The following SRGAP2 variants were observed in gnomAD, a reference collection of about 807,000 sequenced individuals.
SRGAP2 encodes the protein SLIT-ROBO Rho GTPase activating protein 2.
Under a neutral mutation model 57.2 loss-of-function variants are expected in SRGAP2, and 15 were observed. That is an observed-to-expected ratio of 0.26 (90% CI 0.18 to 0.40). The LOEUF (loss-of-function observed/expected upper bound fraction) is 0.40, where lower values mean the gene tolerates loss of function less well. Ranked by LOEUF, SRGAP2 falls within the 10% of genes least tolerant of loss-of-function variation. The pLI is 1.00. For missense variants in SRGAP2, 520 were observed against 669.6 expected (o/e 0.78, Z 2.47); for synonymous variants, 249 against 248.0 (o/e 1.00, Z -0.04).
At position 206,429,430 on chromosome 1, in the gene SRGAP2, T is replaced by C. The variant is rs138871054; in HGVS notation, c.1495-732T>C. On this transcript the variant is annotated intron_variant, in intron 13 of 22. Coordinates refer to ENST00000573034, the MANE Select transcript of SRGAP2 (RefSeq NM_015326.5). ...ACCCAGGAATTGACATAGGATCTGC[T>C]CTTGTGAAGTTTGAGCTGTAGTGGT... Among the ~76,000 whole-genome samples the C allele has an allele frequency of 4.2e-3, 643 of 152,372 alleles. 3 individuals carry two copies. The highest frequency in any genetic ancestry group is 0.014 in the African/African-American group (595 of 41,586).
At chr1:206,452,604 A>G (rs564461785) in intron 19 of SRGAP2, among the ~76,000 whole-genome samples, 1 of 152,334 alleles carries the variant, frequency 6.6e-6, no homozygotes, top group African/African-American at 2.4e-5. Context: ...AAAGCAGGGG[A>G]TGCGGTCGGG....
At chr1:206,326,819 C>G (rs1385205232) in intron 3 of SRGAP2, among the ~76,000 whole-genome samples, 5 of 152,178 alleles carry the variant, frequency 3.3e-5, no homozygotes, top group African/African-American at 4.8e-5. Flanking sequence ...ACAGAAGATT[C>G]ACTGAGTTTG....
At chr1:206,284,654 G>A (rs1670920432) in intron 2 of SRGAP2, among the ~76,000 whole-genome samples, 1 of 152,020 alleles carries the variant, frequency 6.6e-6, no homozygotes, top group African/African-American at 2.4e-5. Flanking sequence ...TCGCCATGTT[G>A]GCCAGGCTGG....
rs1455234948 is a variant in SRGAP2 at position 206,297,566 on chromosome 1, C to T, written c.68-5715C>T. On this transcript the variant is annotated intron_variant, in intron 2 of 22. Transcript: ENST00000573034. ...CAGACCAGGTTCCCAATGGGGAGCGCGGGCTGATCTGCTCCACGTGCTGGC... is the reference window on the plus strand; with the variant it reads ...CAGACCAGGTTCCCAATGGGGAGCGTGGGCTGATCTGCTCCACGTGCTGGC... 2.0e-4 allele frequency among the ~76,000 whole-genome samples: 15 copies of T among 76,586 alleles called. 1 individual carries two copies. The highest frequency in any genetic ancestry group is 9.2e-4 in the Admixed American group (8 of 8,712). 50.2% of individuals were successfully genotyped at this position (76,586 alleles called of 152,430 possible).
chr1:206,294,600 G>C (rs1671486477), intron 2 of SRGAP2, among the ~76,000 whole-genome samples: 1 of 138,090 alleles, frequency 7.2e-6, no homozygotes, highest in East Asian at 2.0e-4. Context: ...TAGAGTCATG[G>C]GCTCTAAAGT....
chr1:206,266,542 C>T (rs1346416988), intron 2 of SRGAP2, among the ~76,000 whole-genome samples: 1 of 152,194 alleles, frequency 6.6e-6, no homozygotes, highest in East Asian at 1.9e-4. Context: ...CACGCCCGAC[C>T]TTCTGTATTT....
intron 11 of SRGAP2, 136 bp from the exon 12 acceptor site, chr1:206,419,237 C>T (rs527633910): frequency 1.5e-6 from 1 of 662,736 alleles, no homozygotes; most frequent in Non-Finnish European, 2.8e-6. Context: ...CTCTCTCTCT[C>T]TCTCCTCTCT....
At chr1:206,432,211 C>A (rs1553368542) in intron 14 of SRGAP2, among the ~76,000 whole-genome samples, 2 of 152,164 alleles carry the variant, frequency 1.3e-5, no homozygotes, top group African/African-American at 4.8e-5. Context: ...GGGCAGGTTC[C>A]AGATATTGTG....
chr1:206,277,922 T>C (rs1484459653), intron 2 of SRGAP2, among the ~76,000 whole-genome samples: 7 of 151,240 alleles, frequency 4.6e-5, no homozygotes, highest in African/African-American at 4.8e-5. Context: ...GGGTTTGCAG[T>C]GAGCCAAGAT....
chr1:206,230,690 G>T (rs1242621276), intron 2 of SRGAP2, among the ~76,000 whole-genome samples: 3 of 143,514 alleles, frequency 2.1e-5, no homozygotes, highest in Admixed American at 6.8e-5. Flanking sequence ...GCAGTGGTGC[G>T]ATCTCGGCTC....
chr1:206,322,717 T>C (rs1673560232), intron 3 of SRGAP2, among the ~76,000 whole-genome samples: 1 of 146,740 alleles, frequency 6.8e-6, no homozygotes, highest in South Asian at 2.2e-4. Context: ...GTTAGCTGAC[T>C]AGTTCTTTCT....
chr1:206,457,631 C>T (rs1378344406), intron 21 of SRGAP2, among the ~76,000 whole-genome samples: 3 of 152,212 alleles, frequency 2.0e-5, no homozygotes, highest in Admixed American at 1.3e-4. Flanking sequence ...TGATACATGC[C>T]AGGTCCTGGG....
chr1:206,437,660 A>T (rs1661892473), intron 15 of SRGAP2: 1 of 292,070 alleles, frequency 3.4e-6, no homozygotes, highest in South Asian at 6.9e-5. Flanking sequence ...TGGTTTCATG[A>T]TTCTTGTGAG....
chr1:206,290,641 CAAAAAAAAAA>C (rs1237811129), intron 2 of SRGAP2, among the ~76,000 whole-genome samples: 1 of 45,210 alleles, frequency 2.2e-5, no homozygotes, highest in Non-Finnish European at 4.7e-5. Flanking sequence ...GACTCCATCT[CAAAAAAAAAA>C]AAAAAAAAAA....
intron 4 of SRGAP2, among the ~76,000 whole-genome samples, chr1:206,366,513 A>T (rs561771637): frequency 6.6e-6 from 1 of 151,712 alleles, no homozygotes; most frequent in Non-Finnish European, 1.5e-5. Flanking sequence ...GGGGGTGGGG[A>T]CGATCATGGG....
chr1:206,437,944 T>G lies in SRGAP2; in HGVS notation c.1634-20T>G, dbSNP rs782013756. On this transcript the variant is annotated intron_variant, in intron 15 of 22. Transcript: ENST00000573034. ...CCTCTCTCACTCTCTTTCCTTTTCGTGGGGGTTGCTTATCCTCAGGAGAGG... is the reference window on the plus strand; with the variant it reads ...CCTCTCTCACTCTCTTTCCTTTTCGGGGGGGTTGCTTATCCTCAGGAGAGG... 2 of 780,450 alleles carry G rather than the reference T, an allele frequency of 2.6e-6. No homozygotes were observed. The highest frequency in any genetic ancestry group is 4.8e-5 in the East Asian group (2 of 41,258). The allele number at this position is 780,450 out of a possible 1,614,324, so 48.3% of individuals were successfully genotyped here. A position where few individuals can be genotyped will look rare whatever the true frequency, so the allele number is the denominator to read the frequency against.
At chr1:206,414,027 T>C (rs1323509280) in intron 10 of SRGAP2, among the ~76,000 whole-genome samples, 2 of 147,750 alleles carry the variant, frequency 1.4e-5, no homozygotes, top group Admixed American at 1.3e-4. Context: ...TCTTTTCTTT[T>C]TCTTTCTTTT....
chr1:206,453,719 T>C (rs1663554047), intron 20 of SRGAP2: 1 of 255,806 alleles, frequency 3.9e-6, no homozygotes. Context: ...TATATTTCTT[T>C]TCTCGAAAGA....
intron 2 of SRGAP2, among the ~76,000 whole-genome samples, chr1:206,243,656 C>G (rs1475832780): frequency 6.6e-6 from 1 of 152,170 alleles, no homozygotes; most frequent in African/African-American, 2.4e-5. Context: ...TCTAAGGGAT[C>G]TAGAGAGAAA....
Sources: allele counts gnomAD v4.1 joint callset (sites outside exome capture counted in the v4.1 genomes callset), GRCh38; gene constraint gnomAD v4.1.1; transcripts MANE v1.5; gene names NCBI Gene and HGNC (gene_info 2026-07-23, HGNC 2026-07-21).